The following MATN2 variants were observed in gnomAD, a reference collection of about 807,000 sequenced individuals.
MATN2 encodes matrilin-2.
Under a neutral mutation model 103.2 loss-of-function variants are expected in MATN2, and 69 were observed. That is an observed-to-expected ratio of 0.67 (90% CI 0.55 to 0.82). The LOEUF (loss-of-function observed/expected upper bound fraction) is 0.82. Ranked by LOEUF, MATN2 falls within the 40% of genes least tolerant of loss-of-function variation. MATN2 has a pLI of 0.00. For synonymous variants in MATN2, 429 were observed against 450.2 expected (o/e 0.95, Z 0.60); for missense variants, 1,023 against 1,211.5 (o/e 0.84, Z 2.31).
Position 97,888,064 on chromosome 8 carries a change from G to A in MATN2, c.-26-11G>A, listed in dbSNP as rs145351234. On this transcript the variant is annotated splice_polypyrimidine_tract_variant and intron_variant, in intron 1 of 18. Coordinates refer to ENST00000254898, the MANE Select transcript of MATN2 (RefSeq NM_002380.5). ...TCACCCTGCCCTCTTCTTGTGTTGT[G>A]TTTGTCACAGCCTTGCCCCTCTTGC... 1,289 of 1,597,764 alleles carry A rather than the reference G, an allele frequency of 8.1e-4. 11 individuals carry two copies. The African/African-American group carries it at 0.014, about 18-fold the overall frequency.
chr8:97,950,304 A>G (rs1266633467), intron 4 of MATN2, among the ~76,000 whole-genome samples: 15 of 152,218 alleles, frequency 9.9e-5, no homozygotes, highest in Admixed American at 9.8e-4. Flanking sequence ...GGGATAAAGT[A>G]TGGAGCAATT....
At chr8:97,981,184 T>TA (rs34391429) in intron 6 of MATN2, among the ~76,000 whole-genome samples, 7,771 of 143,064 alleles carry the variant, frequency 0.054, 638 homozygotes, top group African/African-American at 0.18. Context: ...GACCTTGTCT[T>TA]AAAAAAAAAA....
At chr8:97,923,706 G>A (rs1809891783) in intron 2 of MATN2, among the ~76,000 whole-genome samples, 2 of 152,100 alleles carry the variant, frequency 1.3e-5, no homozygotes, top group African/African-American at 4.8e-5. Flanking sequence ...ACAGGCGCCT[G>A]CCACCACGGC....
intron 2 of MATN2, among the ~76,000 whole-genome samples, chr8:97,918,593 G>T (rs1334143871): frequency 6.6e-6 from 1 of 152,214 alleles, no homozygotes; most frequent in Non-Finnish European, 1.5e-5. Context: ...ACTGGGGCCT[G>T]AGCGATGCCT....
At chr8:97,953,682 A>T (rs1339391853) in intron 4 of MATN2, among the ~76,000 whole-genome samples, 1 of 151,834 alleles carries the variant, frequency 6.6e-6, no homozygotes, top group Non-Finnish European at 1.5e-5. Flanking sequence ...GCTACTCAGC[A>T]TGAGTACTGA....
chr8:97,999,107 G>T (rs943354184), intron 7 of MATN2, among the ~76,000 whole-genome samples: 1 of 152,174 alleles, frequency 6.6e-6, no homozygotes, highest in African/African-American at 2.4e-5. Context: ...TTGTCCTTTT[G>T]TAACCAGCTT....
rs1380176823 is a variant in MATN2, at chr8:97,961,321, T to C, written c.836-87T>C. The C allele has an allele frequency of 2.2e-6, 3 of 1,369,606 alleles. No individual in the cohort carries two copies. The African/African-American group carries it at 4.4e-5, about 20-fold the overall frequency. The allele number at this position is 1,369,606 out of a possible 1,614,324, so 84.8% of individuals were successfully genotyped here. On this transcript the variant is annotated intron_variant, in intron 4 of 18. Coordinates refer to ENST00000254898, the MANE Select transcript of MATN2 (RefSeq NM_002380.5). ...TTTTAAAAGTTACTTTGGTGAGGGCTCTGGAGTTCCCTGTTGCCTCACCCT... is the reference window on the plus strand; with the variant it reads ...TTTTAAAAGTTACTTTGGTGAGGGCCCTGGAGTTCCCTGTTGCCTCACCCT...
chr8:97,988,189 T>TACACACACAC (rs58039452), intron 6 of MATN2, among the ~76,000 whole-genome samples: 18 of 54,906 alleles, frequency 3.3e-4, no homozygotes, highest in African/African-American at 1.2e-3. Context: ...TATATATATA[T>TACACACACAC]ACACACACAC....
At chr8:97,983,623 A>G (rs570817634) in intron 6 of MATN2, among the ~76,000 whole-genome samples, 1 of 152,308 alleles carries the variant, frequency 6.6e-6, no homozygotes, top group African/African-American at 2.4e-5. Flanking sequence ...AATAAAGGCA[A>G]TTGCGGACAC....
chr8:97,884,518 C>T (rs1818362527), intron 1 of MATN2, among the ~76,000 whole-genome samples: 1 of 152,126 alleles, frequency 6.6e-6, no homozygotes, highest in African/African-American at 2.4e-5. Flanking sequence ...AGTGTGGTGG[C>T]TCATGCCTGT....
Position 98,007,625 on chromosome 8 carries a change from G to T in MATN2, c.1573+24G>T. 6.3e-7 allele frequency: 1 copy of T among 1,597,020 alleles called. No homozygotes were observed. Among genetic ancestry groups the T allele is most frequent in the Non-Finnish European group, 8.6e-7 (1 of 1,166,412 alleles). The stretch of plus-strand genomic sequence containing the variant: ...AAGTAAGTGTCTGAAGGACAAGCAG[G>T]ACCTGCACAGGTGTTCCGTGGGTGC... On this transcript the variant is annotated intron_variant, in intron 10 of 18. Transcript: ENST00000254898. This position sits in a 1 kb window ranked among gnomAD's most constrained non-coding sequence, Gnocchi z 4.2.
At position 97,945,717 on chromosome 8, in the gene MATN2, A is replaced by AATATATATATATATATAT. The variant is rs1554605716; in HGVS notation, c.835+3820_835+3837dup. On this transcript the variant is annotated intron_variant, in intron 4 of 18. Transcript: ENST00000254898. ...CATACACACTATAGAAAAAAAAAAA[A>AATATATATATATATATAT]ATATATATATATATATATAATCTCC... Among the ~76,000 whole-genome samples, 90 of 121,800 alleles carry AATATATATATATATATAT rather than the reference A, an allele frequency of 7.4e-4. 1 individual carries two copies. The highest frequency in any genetic ancestry group is 2.6e-3 in the African/African-American group (83 of 32,150). 79.9% of individuals were successfully genotyped at this position (121,800 alleles called of 152,430 possible). A position where few individuals can be genotyped will look rare whatever the true frequency, so the allele number is the denominator to read the frequency against.
chr8:97,902,502 A>G (rs1417467750), intron 2 of MATN2, among the ~76,000 whole-genome samples: 2 of 151,466 alleles, frequency 1.3e-5, no homozygotes, highest in African/African-American at 4.8e-5. Flanking sequence ...CGTCTCAAAA[A>G]AAAAAAAAGA....
intron 8 of MATN2, 187 bp downstream of exon 8, chr8:98,003,970 A>G: frequency 1.6e-6 from 1 of 638,460 alleles, no homozygotes; most frequent in Non-Finnish European, 2.6e-6. Flanking sequence ...GGCCTAGCCA[A>G]CTTGGGTTGC....
chr8:97,985,291 G>A (rs575318041), intron 6 of MATN2, among the ~76,000 whole-genome samples: 3 of 152,214 alleles, frequency 2.0e-5, no homozygotes, highest in Admixed American at 1.3e-4. Context: ...CAGAGCAAAC[G>A]TACTCATTAC....
chr8:97,933,675 A>T (rs1418262280), intron 3 of MATN2, among the ~76,000 whole-genome samples: 1 of 152,032 alleles, frequency 6.6e-6, no homozygotes, highest in Non-Finnish European at 1.5e-5. Context: ...TATAATCTGG[A>T]AGCTCTAAGA....
In MATN2 at chr8:98,005,490, G is replaced by T. The variant is rs1245427514; in HGVS notation, c.1328-1615G>T. Among the ~76,000 whole-genome samples the T allele has an allele frequency of 6.6e-6, 1 of 152,094 alleles. No homozygotes were observed. Among genetic ancestry groups the T allele is most frequent in the East Asian group, 1.9e-4 (1 of 5,182 alleles). ...AGATCACCAGGGACATGGCTTGACT[G>T]CCCCTCCCAGCATGCTTCCGGGGGC... is the stretch of plus-strand genomic sequence containing the variant. On this transcript the variant is annotated intron_variant, in intron 8 of 18. Coordinates refer to ENST00000254898, the MANE Select transcript of MATN2 (RefSeq NM_002380.5). This position sits in a 1 kb window ranked among gnomAD's most constrained non-coding sequence, Gnocchi z 4.6.
intron 7 of MATN2, among the ~76,000 whole-genome samples, chr8:97,997,434 T>A (rs2444867): frequency 6.6e-6 from 1 of 152,246 alleles, no homozygotes; most frequent in East Asian, 1.9e-4. Context: ...ACTCAGCTGG[T>A]ATCAAAATGT....
chr8:98,020,306 C>A (rs775385258), intron 12 of MATN2, among the ~76,000 whole-genome samples: 1 of 152,052 alleles, frequency 6.6e-6, no homozygotes, highest in African/African-American at 2.4e-5. Flanking sequence ...CCACCACACC[C>A]GGTTAATTTT....
Sources: gnomAD v4.1 joint callset for allele counts (sites outside exome capture counted in the v4.1 genomes callset) on GRCh38, gnomAD v4.1.1 for gene constraint, Gnocchi (gnomAD v3.1) non-coding constraint, MANE v1.5 for transcripts, NCBI Gene and HGNC (gene_info 2026-07-23, HGNC 2026-07-21) for gene names.